The following PCSK2 variants were observed in gnomAD, a reference collection of about 807,000 sequenced individuals.
PCSK2 encodes neuroendocrine convertase 2.
In PCSK2, 14 loss-of-function variants were observed where a neutral mutation model predicts 69.7. The ratio of observed to expected loss-of-function variants is 0.20; its 90% CI spans 0.13 to 0.31. PCSK2 has a LOEUF of 0.31. PCSK2 is among the 10% of genes least tolerant of loss of function. The pLI, the probability that PCSK2 is intolerant of heterozygous loss-of-function variation, is 1.00. For missense variants in PCSK2, 544 were observed against 842.5 expected, an observed-to-expected ratio of 0.65 and a Z score of 4.39; for synonymous variants, 307 against 320.7, an observed-to-expected ratio of 0.96 and a Z score of 0.46.
intron 10 of PCSK2, 184 bp from the exon 11 acceptor site, chr20:17,465,142 G>A (rs1426131105): frequency 1.6e-6 from 1 of 615,590 alleles, no homozygotes; most frequent in Non-Finnish European, 2.9e-6. Context: ...TTCTTTAATT[G>A]ACTTATATAG....
At chr20:17,249,713 A>G (rs1415570254) in intron 1 of PCSK2, among the ~76,000 whole-genome samples, 4 of 152,168 alleles carry the variant, frequency 2.6e-5, no homozygotes, top group Admixed American at 2.6e-4. Context: ...AACCTTGAAG[A>G]CATTGTGCTT....
chr20:17,403,539 G>A (rs1325893478), intron 5 of PCSK2, among the ~76,000 whole-genome samples: 1 of 152,180 alleles, frequency 6.6e-6, no homozygotes, highest in African/African-American at 2.4e-5. Context: ...GGGGCAATAT[G>A]GTTGCAGTTT....
At chr20:17,254,943 T>C (rs2122985171) in intron 1 of PCSK2, among the ~76,000 whole-genome samples, 1 of 152,346 alleles carries the variant, frequency 6.6e-6, no homozygotes, top group African/African-American at 2.4e-5. Context: ...TTAAATTGAC[T>C]TATATTCTTA....
At chr20:17,461,757 G>A (rs1387917298) in intron 10 of PCSK2, among the ~76,000 whole-genome samples, 1 of 152,126 alleles carries the variant, frequency 6.6e-6, no homozygotes, top group African/African-American at 2.4e-5. Flanking sequence ...GAATGGTGAG[G>A]GAACAGCCTT....
chr20:17,347,979 AAAGAGG>A (rs1990727759), intron 2 of PCSK2, among the ~76,000 whole-genome samples: 1 of 138,576 alleles, frequency 7.2e-6, no homozygotes, highest in Non-Finnish European at 1.6e-5. Context: ...AGAAAGAAAG[AAAGAGG>A]AGAGAGAAAA....
At chr20:17,350,384 T>C (rs770681487) in intron 2 of PCSK2, among the ~76,000 whole-genome samples, 5 of 151,772 alleles carry the variant, frequency 3.3e-5, no homozygotes, top group Non-Finnish European at 5.9e-5. Flanking sequence ...CTCCTTTTCT[T>C]GCTCTCACTT....
intron 2 of PCSK2, among the ~76,000 whole-genome samples, chr20:17,301,559 T>G (rs1989082972): frequency 6.6e-6 from 1 of 152,204 alleles, no homozygotes; most frequent in Admixed American, 6.5e-5. Flanking sequence ...TTTTGGATAG[T>G]CTTCTTGGAG....
At chr20:17,382,022 G>T (rs1414097307) in intron 5 of PCSK2, among the ~76,000 whole-genome samples, 1 of 152,182 alleles carries the variant, frequency 6.6e-6, no homozygotes, top group Non-Finnish European at 1.5e-5. Context: ...CTCACAAGCG[G>T]TCACAATGAT....
chr20:17,255,464 C>A (rs1034577600), intron 1 of PCSK2, among the ~76,000 whole-genome samples: 2 of 152,054 alleles, frequency 1.3e-5, no homozygotes, highest in Non-Finnish European at 2.9e-5. Flanking sequence ...GCCTCAGCCT[C>A]CTGAGTAGCT....
intron 2 of PCSK2, among the ~76,000 whole-genome samples, chr20:17,350,828 A>C (rs2029959945): frequency 6.6e-6 from 1 of 152,114 alleles, no homozygotes; most frequent in African/African-American, 2.4e-5. Context: ...GGATCACCTG[A>C]GGTCAGGAAT....
At chr20:17,312,727 A>T (rs1989556562) in intron 2 of PCSK2, among the ~76,000 whole-genome samples, 2 of 152,092 alleles carry the variant, frequency 1.3e-5, no homozygotes, top group Admixed American at 1.3e-4. Context: ...GAGGTGCTGT[A>T]GTGGTGGAGA....
At chr20:17,423,047 T>C (rs1469173541) in intron 6 of PCSK2, among the ~76,000 whole-genome samples, 1 of 152,148 alleles carries the variant, frequency 6.6e-6, no homozygotes, top group East Asian at 1.9e-4. Context: ...GATCATGACA[T>C]AGGGACTGAT....
intron 1 of PCSK2, among the ~76,000 whole-genome samples, chr20:17,239,098 T>C (rs1315847348): frequency 6.6e-6 from 1 of 152,212 alleles, no homozygotes; most frequent in Non-Finnish European, 1.5e-5. Flanking sequence ...TTAATTGCCC[T>C]TAATAGCCTA....
intron 5 of PCSK2, among the ~76,000 whole-genome samples, chr20:17,383,650 A>AAAAAAG (rs143102476): frequency 0.12 from 18,334 of 152,150 alleles, 1,164 homozygotes; most frequent in African/African-American, 0.14. Context: ...TGAAAAATAA[A>AAAAAAG]AAAAAGAAAA....
At chr20:17,387,349 T>C (rs771023098) in intron 5 of PCSK2, among the ~76,000 whole-genome samples, 4 of 152,186 alleles carry the variant, frequency 2.6e-5, no homozygotes, top group Admixed American at 1.3e-4. Flanking sequence ...CACACCGTTT[T>C]TATGAGTCAG....
intron 2 of PCSK2, among the ~76,000 whole-genome samples, chr20:17,282,938 C>A (rs1157632363): frequency 6.6e-6 from 1 of 152,068 alleles, no homozygotes; most frequent in Non-Finnish European, 1.5e-5. Context: ...TAGGGTAAGA[C>A]TTTTCTTCAT....
At chr20:17,329,093 A>T (rs977674070) in intron 2 of PCSK2, among the ~76,000 whole-genome samples, 2 of 152,234 alleles carry the variant, frequency 1.3e-5, no homozygotes, top group Admixed American at 1.3e-4. Context: ...AAAATACCAA[A>T]CACAGTGTTG....
At chr20:17,331,251 A>C (rs1427463378) in intron 2 of PCSK2, among the ~76,000 whole-genome samples, 1 of 152,206 alleles carries the variant, frequency 6.6e-6, no homozygotes, top group Non-Finnish European at 1.5e-5. Context: ...ATGTAAAAGA[A>C]TGTTTCAGCA....
Position 17,305,949 on chromosome 20 carries a change from G to A in PCSK2, c.282+45605G>A, listed in dbSNP as rs1000706954. 6.6e-5 allele frequency among the ~76,000 whole-genome samples: 10 copies of A among 152,260 alleles called. No individual in the cohort carries two copies. In the East Asian group the frequency reaches 1.2e-3, roughly 18 times the overall value. ...TGCATTTTGCTACTGTTAGGCATTC[G>A]CATTGTGAGTGCTACAGTCTTTTCT... On this transcript the variant is annotated intron_variant, in intron 2 of 11. Coordinates refer to ENST00000262545, the MANE Select transcript of PCSK2 (RefSeq NM_002594.5).
Sources: gnomAD v4.1 joint callset for allele counts (sites outside exome capture counted in the v4.1 genomes callset) on GRCh38, gnomAD v4.1.1 for gene constraint, MANE v1.5 for transcripts, NCBI Gene and HGNC (gene_info 2026-07-23, HGNC 2026-07-21) for gene names.